PCDH11X: variants seen among roughly 807,000 people sequenced by gnomAD.
The protein encoded by PCDH11X is protocadherin 11 X-linked, also known as protocadherin-11 X-linked.
In PCDH11X, 18 loss-of-function variants were observed where a neutral mutation model predicts 53.3. That is an observed-to-expected ratio of 0.34 (90% CI 0.23 to 0.50). PCDH11X has a LOEUF of 0.50. Ranked by LOEUF, PCDH11X falls within the 20% of genes least tolerant of loss-of-function variation. The pLI, the probability that PCDH11X is intolerant of heterozygous loss-of-function variation, is 0.98. For synonymous variants in PCDH11X, 279 were observed against 393.3 expected (o/e 0.71, Z 3.44); for missense variants, 570 against 1,032.4 (o/e 0.55, Z 6.14).
At chrX:91,938,195 C>A (rs1039796733) in intron 6 of PCDH11X, among the ~76,000 whole-genome samples, 49 of 111,213 alleles carry the variant, frequency 4.4e-4, no homozygotes, top group Non-Finnish European at 8.5e-4. Flanking sequence ...CCAGATACAC[C>A]CTCAGAAGCA....
intron 6 of PCDH11X, among the ~76,000 whole-genome samples, chrX:92,068,913 G>A (rs1182307881): frequency 9.0e-6 from 1 of 111,155 alleles, no homozygotes; most frequent in Non-Finnish European, 1.9e-5. Flanking sequence ...GTCTGTCATT[G>A]AGAATGATCC....
intron 7 of PCDH11X, among the ~76,000 whole-genome samples, chrX:92,206,198 G>A (rs2066473140): frequency 9.0e-6 from 1 of 111,378 alleles, no homozygotes; most frequent in African/African-American, 3.3e-5. Context: ...AAGTATGTAC[G>A]GATAAGGACT....
At chrX:92,242,663 G>A (rs935708779) in intron 7 of PCDH11X, among the ~76,000 whole-genome samples, 7 of 111,562 alleles carry the variant, frequency 6.3e-5, no homozygotes, top group Non-Finnish European at 1.3e-4. Flanking sequence ...TAGGTCACAT[G>A]TTTAGTTTTG....
intron 6 of PCDH11X, among the ~76,000 whole-genome samples, chrX:92,115,696 T>C (rs1330942161): frequency 9.0e-6 from 1 of 110,823 alleles, no homozygotes; most frequent in Non-Finnish European, 1.9e-5. Context: ...GTCCAAAAAC[T>C]GAAGAACCTG....
intron 4 of PCDH11X, among the ~76,000 whole-genome samples, chrX:91,817,242 G>A (rs1422327485): frequency 3.0e-5 from 3 of 100,698 alleles, no homozygotes; most frequent in Non-Finnish European, 4.0e-5. Flanking sequence ...TCTCTCAGAG[G>A]ATCTGGAACA....
At position 92,599,017 on chromosome X, in the gene PCDH11X, G is replaced by A. The variant is rs189543078; in HGVS notation, c.3368-19247G>A. Among the ~76,000 whole-genome samples the A allele has an allele frequency of 5.5e-3, 607 of 110,862 alleles. 3 individuals are homozygous for A. Among genetic ancestry groups the A allele is most frequent in the Admixed American group, 0.015 (157 of 10,378 alleles). On this transcript the variant is annotated intron_variant, in intron 10 of 10. Transcript: ENST00000682573. ...TTGAACTCATGGAGATAGAGTGTAG[G>A]ATATGATTACCAGAGGCTGGGAAGC... is the stretch of plus-strand genomic sequence containing the variant.
At chrX:92,213,168 G>T (rs1038480401) in intron 7 of PCDH11X, among the ~76,000 whole-genome samples, 1 of 112,032 alleles carries the variant, frequency 8.9e-6, no homozygotes, top group East Asian at 2.8e-4. Context: ...ATTTGTAAGT[G>T]CAGGGTTTTA....
intron 9 of PCDH11X, among the ~76,000 whole-genome samples, chrX:92,406,782 C>G (rs1268078380): frequency 9.3e-6 from 1 of 107,038 alleles, no homozygotes; most frequent in Non-Finnish European, 1.9e-5. Context: ...AAAAAATCAG[C>G]AGGACGTGGC....
At chrX:92,220,621 C>T (rs1366900660) in intron 7 of PCDH11X, among the ~76,000 whole-genome samples, 1 of 110,628 alleles carries the variant, frequency 9.0e-6, no homozygotes, top group Non-Finnish European at 1.9e-5. Context: ...CTAGTTCAAC[C>T]ATTGTGGAAG....
At chrX:92,018,347 C>G (rs2062830329) in intron 6 of PCDH11X, among the ~76,000 whole-genome samples, 2 of 111,730 alleles carry the variant, frequency 1.8e-5, no homozygotes, top group South Asian at 7.4e-4. Flanking sequence ...TCTGCAAAAT[C>G]TTAAATAGAT....
intron 10 of PCDH11X, among the ~76,000 whole-genome samples, chrX:92,553,859 C>T (rs146769826): frequency 0.012 from 1,288 of 110,701 alleles, 19 homozygotes; most frequent in African/African-American, 0.041. Flanking sequence ...CAAAACCACC[C>T]ACTGCGTTAC....
intron 10 of PCDH11X, among the ~76,000 whole-genome samples, chrX:92,539,664 C>G (rs1422381486): frequency 1.8e-5 from 2 of 111,609 alleles, no homozygotes; most frequent in African/African-American, 6.5e-5. Context: ...TATGGACATT[C>G]ATCAGTGTCT....
In PCDH11X at chrX:92,577,178, C is replaced by G. The variant is rs1481284335; in HGVS notation, c.3368-41086C>G. On this transcript the variant is annotated intron_variant, in intron 10 of 10. Transcript: ENST00000682573. ...AGCTGTAAATCCATCTGCTCCTAGA[C>G]TTTTTTTGGTTGGTAGGTTATTTGT... is the stretch of plus-strand genomic sequence containing the variant. 3.6e-5 allele frequency among the ~76,000 whole-genome samples: 4 copies of G among 110,183 alleles called. No individual in the cohort carries two copies. The East Asian group carries it at 1.1e-3, about 31-fold the overall frequency.
intron 6 of PCDH11X, among the ~76,000 whole-genome samples, chrX:92,023,242 A>C (rs918285282): frequency 2.7e-5 from 3 of 110,221 alleles, no homozygotes; most frequent in Non-Finnish European, 5.7e-5. Flanking sequence ...AGTTTTTCAA[A>C]AAAAAAAATT....
chrX:92,167,302 CA>C (rs906411339), intron 6 of PCDH11X, among the ~76,000 whole-genome samples: 116 of 110,006 alleles, frequency 1.1e-3, no homozygotes, highest in African/African-American at 3.7e-3. Context: ...GAGTCTAGTG[CA>C]AAAAAAATAG....
chrX:92,571,510 T>C, intron 10 of PCDH11X, among the ~76,000 whole-genome samples: 1 of 108,344 alleles, frequency 9.2e-6, no homozygotes, highest in Admixed American at 1.0e-4. Context: ...GTAATAAAAG[T>C]GTGTGGAGTT....
chrX:92,251,379 C>T (rs1401740525), intron 7 of PCDH11X, among the ~76,000 whole-genome samples: 2 of 110,179 alleles, frequency 1.8e-5, no homozygotes, highest in Admixed American at 9.7e-5. Context: ...ATACTTTGTG[C>T]CAGGTACTTT....
intron 6 of PCDH11X, among the ~76,000 whole-genome samples, chrX:92,152,374 G>A (rs1365431738): frequency 9.2e-6 from 1 of 108,131 alleles, no homozygotes; most frequent in East Asian, 2.9e-4. Flanking sequence ...CAATTATAAT[G>A]CAAAGTAGTA....
At chrX:92,527,173 C>A (rs1180702240) in intron 10 of PCDH11X, among the ~76,000 whole-genome samples, 1 of 111,328 alleles carries the variant, frequency 9.0e-6, no homozygotes, top group Non-Finnish European at 1.9e-5. Context: ...CCCAAAAATA[C>A]AGAAAGAATA....
Sources: gnomAD v4.1 joint callset for allele counts (sites outside exome capture counted in the v4.1 genomes callset) on GRCh38, gnomAD v4.1.1 for gene constraint, MANE v1.5 for transcripts, NCBI Gene and HGNC (gene_info 2026-07-23, HGNC 2026-07-21) for gene names.